DGLUCY: variants seen among roughly 807,000 people sequenced by gnomAD.
The protein encoded by DGLUCY is D-glutamate cyclase, mitochondrial.
DGLUCY carries 58 observed loss-of-function variants against 58.5 expected under a neutral mutation model. The ratio of observed to expected loss-of-function variants is 0.99; its 90% confidence interval spans 0.80 to 1.23. The LOEUF (loss-of-function observed/expected upper bound fraction) is 1.23. DGLUCY is among the 50% of genes most tolerant of loss of function. DGLUCY has a pLI of 0.00. For synonymous variants in DGLUCY, 325 were observed against 314.1 expected (o/e 1.03, Z -0.37); for missense variants, 779 against 784.7 (o/e 0.99, Z 0.09).
At chr14:91,101,324 A>G (rs2044482782) in intron 1 of DGLUCY, among the ~76,000 whole-genome samples, 1 of 152,098 alleles carries the variant, frequency 6.6e-6, no homozygotes, top group Non-Finnish European at 1.5e-5. Flanking sequence ...CCTAGCAACC[A>G]TCAATCTACT....
chr14:91,077,953 C>T (rs2044057959), intron 1 of DGLUCY, among the ~76,000 whole-genome samples: 1 of 152,102 alleles, frequency 6.6e-6, no homozygotes, highest in East Asian at 1.9e-4. Flanking sequence ...AAACTATCCC[C>T]ACAAACAGAC....
chr14:91,116,272 G>A (rs539803238), intron 1 of DGLUCY, among the ~76,000 whole-genome samples: 1 of 152,298 alleles, frequency 6.6e-6, no homozygotes, highest in African/African-American at 2.4e-5. Context: ...AGCTTTCAAA[G>A]CATTTCTTAA....
In DGLUCY at chr14:91,160,201, G is replaced by A. The variant is rs1483652757; in HGVS notation, c.-29-65G>A. 7 of 983,476 alleles carry A rather than the reference G, an allele frequency of 7.1e-6. No individual in the cohort carries two copies. The Admixed American group carries it at 8.5e-5, about 12-fold the overall frequency. The allele number at this position is 983,476 out of a possible 1,614,324, so 60.9% of individuals were successfully genotyped here. ...TGATGTGGTATGTGAAGCTATGTGA[G>A]GCTGAATCTGCTGCCTTCAGGGGGC... On this transcript the variant is annotated intron_variant, in intron 2 of 13. Transcript: ENST00000256324.
intron 7 of DGLUCY, among the ~76,000 whole-genome samples, chr14:91,179,334 CA>C (rs1242881998): frequency 1.3e-5 from 2 of 152,290 alleles, no homozygotes; most frequent in Admixed American, 1.3e-4. Context: ...CCTGTAATCC[CA>C]GCACTGTGGT....
chr14:91,120,492 G>A (rs149882232), intron 1 of DGLUCY, among the ~76,000 whole-genome samples: 4,558 of 152,164 alleles, frequency 0.03, 217 homozygotes, highest in African/African-American at 0.1. Context: ...GCAACCTGCA[G>A]CCTCTACCTC....
At chr14:91,099,218 T>C (rs2044443811) in intron 1 of DGLUCY, among the ~76,000 whole-genome samples, 2 of 151,656 alleles carry the variant, frequency 1.3e-5, no homozygotes, top group South Asian at 4.2e-4. Flanking sequence ...GGGGTCAGAG[T>C]TTCCAAACAC....
At chr14:91,077,493 C>T (rs2044043938) in intron 1 of DGLUCY, among the ~76,000 whole-genome samples, 1 of 151,552 alleles carries the variant, frequency 6.6e-6, no homozygotes, top group African/African-American at 2.4e-5. Context: ...GTGGCTCACA[C>T]CTGTAATCCC....
chr14:91,062,561 ATATATATATATAT>A lies in DGLUCY; in HGVS notation c.-82+1858_-82+1870del, dbSNP rs1566925423. Reference sequence around the variant, plus strand: ...AGACTCTGTCTAAAAAAAAAAAAATATATATATATATATATATATATATATATATATATATATA... The same window carrying A: ...AGACTCTGTCTAAAAAAAAAAAAATAATATATATATATATATATATATATA... On this transcript the variant is annotated intron_variant, in intron 1 of 4. Coordinates refer to the DGLUCY transcript ENST00000521334. Among the ~76,000 whole-genome samples, 23 of 4,972 alleles carry A rather than the reference ATATATATATATAT, an allele frequency of 4.6e-3. 3 individuals are homozygous for A. Among genetic ancestry groups the A allele is most frequent in the African/African-American group, 9.0e-3 (22 of 2,448 alleles). The allele number at this position is 4,972 out of a possible 152,430, so 3.3% of individuals were successfully genotyped here. A position where few individuals can be genotyped will look rare whatever the true frequency, so the allele number is the denominator to read the frequency against.
rs139335159 is a variant in DGLUCY at position 91,215,122 on chromosome 14, C to G, written c.1565-283C>G. Among the ~76,000 whole-genome samples the G allele has an allele frequency of 3.7e-3, 558 of 152,278 alleles. 4 individuals carry two copies. The highest frequency in any genetic ancestry group is 0.013 in the African/African-American group (523 of 41,550). ...CGAGATCGCACCACTACACTCCAGC[C>G]TGGGCAACAGAGCAAGACTTTGTCT... On this transcript the variant is annotated intron_variant, in intron 12 of 13. Transcript: ENST00000256324.
At chr14:91,135,420 C>T (rs140693195) in intron 1 of DGLUCY, among the ~76,000 whole-genome samples, 4,726 of 152,130 alleles carry the variant, frequency 0.031, 148 homozygotes, top group Non-Finnish European at 0.044. Flanking sequence ...GAGGCCAAAG[C>T]GGGCGGATCA....
In DGLUCY at chr14:91,108,526, T is replaced by TGTGAGAGAGAGAGAGAGAGAGAGA. The variant is rs1265665234; in HGVS notation, c.-82+466_-82+467insTGAGAGAGAGAGAGAGAGAGAGAG. Among the ~76,000 whole-genome samples, 11 of 52,178 alleles carry TGTGAGAGAGAGAGAGAGAGAGAGA rather than the reference T, an allele frequency of 2.1e-4. 1 individual carries two copies. The highest frequency in any genetic ancestry group is 2.6e-4 in the Non-Finnish European group (7 of 26,636). The allele number at this position is 52,178 out of a possible 152,430, so 34.2% of individuals were successfully genotyped here. On this transcript the variant is annotated intron_variant, in intron 1 of 4. Coordinates refer to the DGLUCY transcript ENST00000518871. ...GTGTGTGTGTGTGTGTGTGTGTGTGTGAGAGAGAGAGAGAGAGAGAGAGAG... is the reference window on the plus strand; with the variant it reads ...GTGTGTGTGTGTGTGTGTGTGTGTGTGTGAGAGAGAGAGAGAGAGAGAGAGAGAGAGAGAGAGAGAGAGAGAGAG...
intron 1 of DGLUCY, among the ~76,000 whole-genome samples, chr14:91,074,118 TAC>T (rs3086753): frequency 0.15 from 10,334 of 70,138 alleles, 960 homozygotes; most frequent in East Asian, 0.44. Flanking sequence ...TATATATATA[TAC>T]ACACACACAC....
chr14:91,199,599 G>A (rs2050427774), intron 10 of DGLUCY, among the ~76,000 whole-genome samples, 158 bp from the exon 11 acceptor site: 1 of 152,108 alleles, frequency 6.6e-6, no homozygotes, highest in African/African-American at 2.4e-5. Context: ...CTCCAGCACA[G>A]GTCCTGGCCC....
intron 1 of DGLUCY, among the ~76,000 whole-genome samples, chr14:91,063,977 G>A (rs1013248363): frequency 6.6e-6 from 1 of 152,188 alleles, no homozygotes; most frequent in African/African-American, 2.4e-5. Context: ...AGATGAGAGT[G>A]GGTGCAGTAG....
In DGLUCY at chr14:91,173,440, G is replaced by A. The variant is rs768519537; in HGVS notation, c.607+1G>A. The A allele has an allele frequency of 6.3e-7, 1 of 1,597,178 alleles. No individual in the cohort carries two copies. Among genetic ancestry groups the A allele is most frequent in the Non-Finnish European group, 8.5e-7 (1 of 1,173,796 alleles). ...CAACCTGTTCACATGGGCGACCCAG[G>A]TCAGTGTCTCTCGCTCCTGCCCATG... On this transcript the variant is annotated splice_donor_variant, in intron 6 of 13. Transcript: ENST00000256324. LOFTEE classifies it high-confidence loss of function.
At chr14:91,181,528 T>C (rs1477178743) in intron 8 of DGLUCY, 139 bp downstream of exon 8, 1 of 804,830 alleles carries the variant, frequency 1.2e-6, no homozygotes, top group African/African-American at 1.7e-5. Flanking sequence ...TGATACTGCA[T>C]ATAAATCTCA....
intron 13 of DGLUCY, chr14:91,215,851 A>C: frequency 1.0e-6 from 1 of 964,158 alleles, no homozygotes; most frequent in Non-Finnish European, 1.4e-6. Context: ...GGGGGTGGTC[A>C]GCATTGTTGT....
Position 91,196,546 on chromosome 14 carries a change from A to G in DGLUCY, c.1295+72A>G, listed in dbSNP as rs930793179. The stretch of plus-strand genomic sequence containing the variant: ...CATATGCTCTTCACTTAGCCAACAA[A>G]GTGTCTGCACACCCAAGCCCTTCAG... On this transcript the variant is annotated intron_variant, in intron 10 of 13. Coordinates refer to ENST00000256324, the MANE Select transcript of DGLUCY (RefSeq NM_001102368.3). 3.9e-6 allele frequency: 5 copies of G among 1,277,802 alleles called. No homozygotes were observed. The East Asian group carries it at 1.2e-4, about 31-fold the overall frequency. The allele number at this position is 1,277,802 out of a possible 1,614,324, so 79.2% of individuals were successfully genotyped here.
intron 1 of DGLUCY, among the ~76,000 whole-genome samples, chr14:91,123,728 A>G (rs2045522147): frequency 1.3e-5 from 2 of 152,052 alleles, no homozygotes; most frequent in South Asian, 2.1e-4. Context: ...CTGAGACTAC[A>G]GGTGTGCACC....
Sources: gnomAD v4.1 joint callset for allele counts (sites outside exome capture counted in the v4.1 genomes callset) on GRCh38, gnomAD v4.1.1 for gene constraint, MANE v1.5 for transcripts, NCBI Gene and HGNC (gene_info 2026-07-23, HGNC 2026-07-21) for gene names.